The following PCDH15 variants were observed in gnomAD, a reference collection of about 807,000 sequenced individuals.
PCDH15 encodes protocadherin related 15, also known as protocadherin-15.
PCDH15 carries 129 observed loss-of-function variants against 178.5 expected under a neutral mutation model. The ratio of observed to expected loss-of-function variants is 0.72; its 90% confidence interval spans 0.63 to 0.84. The LOEUF is 0.84. Ranked by LOEUF, PCDH15 falls within the 40% of genes least tolerant of loss-of-function variation. The probability of loss-of-function intolerance (pLI) is 0.00; values close to 1 mark genes in which losing one functional copy is unlikely to be tolerated. For synonymous variants in PCDH15, 800 were observed against 732.0 expected (o/e 1.09, Z -1.50); for missense variants, 2,230 against 2,099.9 (o/e 1.06, Z -1.21).
intron 1 of PCDH15, among the ~76,000 whole-genome samples, chr10:54,702,551 A>AC (rs1398887880): frequency 1.3e-4 from 19 of 151,504 alleles, no homozygotes; most frequent in African/African-American, 4.6e-4. Context: ...TACAAAAAAA[A>AC]AAAAAAACCT....
At chr10:55,447,755 T>G (rs1006720103) in intron 2 of PCDH15, among the ~76,000 whole-genome samples, 2 of 152,070 alleles carry the variant, frequency 1.3e-5, no homozygotes, top group African/African-American at 4.8e-5. Flanking sequence ...GTTCACATAA[T>G]TAAAATATTA....
Position 54,801,209 on chromosome 10 carries a change from C to A in PCDH15, c.-313G>T, listed in dbSNP as rs1347906781. On this transcript the variant is annotated 5_prime_UTR_variant, in exon 1 of 38. The change creates a new upstream start codon in the 5' untranslated region. Transcript: ENST00000644397. ...ACGTTCTGAGATGTATGCCACCTGC[C>A]TTAGTTACCACAAGCAACTAACACT... 6.6e-6 allele frequency: 1 copy of A among 152,170 alleles called. No homozygotes were observed. The highest frequency in any genetic ancestry group is 6.5e-5 in the Admixed American group (1 of 15,272). The allele number at this position is 152,170 out of a possible 1,614,324, so 9.4% of individuals were successfully genotyped here.
chr10:53,917,940 A>G (rs1900451), intron 25 of PCDH15, among the ~76,000 whole-genome samples: 104,812 of 151,948 alleles, frequency 0.69, 36,758 homozygotes, highest in East Asian at 1. Flanking sequence ...CTCTGGCCAT[A>G]TAACGCACTG....
chr10:54,711,064 A>G (rs1309656192), intron 1 of PCDH15, among the ~76,000 whole-genome samples: 1 of 152,012 alleles, frequency 6.6e-6, no homozygotes, highest in East Asian at 1.9e-4. Flanking sequence ...TTTTAGGTTT[A>G]TTTAATGGTC....
At chr10:55,204,036 T>A (rs1222720293) in intron 1 of PCDH15, among the ~76,000 whole-genome samples, 1 of 151,568 alleles carries the variant, frequency 6.6e-6, no homozygotes, top group Non-Finnish European at 1.5e-5. Flanking sequence ...CATAGTGAGA[T>A]CCTGTCTCTA....
intron 2 of PCDH15, among the ~76,000 whole-genome samples, chr10:54,981,281 T>G (rs1219670445): frequency 1.3e-5 from 2 of 152,180 alleles, no homozygotes; most frequent in Non-Finnish European, 2.9e-5. Context: ...TGTTCACCAA[T>G]TAAAATCCTT....
chr10:55,078,969 TCTTTC>T, intron 2 of PCDH15, among the ~76,000 whole-genome samples: 2 of 152,294 alleles, frequency 1.3e-5, no homozygotes, highest in South Asian at 4.1e-4. Context: ...TTCCAGGATT[TCTTTC>T]CTTTTATAAT....
intron 1 of PCDH15, among the ~76,000 whole-genome samples, chr10:55,268,255 G>A (rs868530976): frequency 1.3e-5 from 2 of 152,182 alleles, no homozygotes; most frequent in Middle Eastern, 3.4e-3. Context: ...AATTCTGCTA[G>A]ACACTAAGTG....
intron 3 of PCDH15, among the ~76,000 whole-genome samples, chr10:54,385,050 T>A (rs1219837666): frequency 6.6e-6 from 1 of 152,106 alleles, no homozygotes; most frequent in East Asian, 1.9e-4. Context: ...TTGATCCAAA[T>A]CCAAGTGTAT....
At chr10:54,591,956 A>C (rs1374315502) in intron 2 of PCDH15, among the ~76,000 whole-genome samples, 2 of 152,146 alleles carry the variant, frequency 1.3e-5, no homozygotes, top group Non-Finnish European at 2.9e-5. Flanking sequence ...TCAAGTGTAC[A>C]GGAATTTACA....
At chr10:54,167,356 C>T (rs2046338072) in intron 13 of PCDH15, among the ~76,000 whole-genome samples, 1 of 152,160 alleles carries the variant, frequency 6.6e-6, no homozygotes. Context: ...TTCAATCTCT[C>T]CCTTCTCTTA....
intron 1 of PCDH15, among the ~76,000 whole-genome samples, chr10:55,305,410 A>G (rs917010336): frequency 6.6e-6 from 1 of 152,194 alleles, no homozygotes; most frequent in Non-Finnish European, 1.5e-5. Flanking sequence ...GGGACATCTG[A>G]TGGCTCAGAG....
chr10:53,925,085 C>T (rs941334185), intron 25 of PCDH15, among the ~76,000 whole-genome samples: 1 of 152,088 alleles, frequency 6.6e-6, no homozygotes, highest in African/African-American at 2.4e-5. Flanking sequence ...GCAGACTGCC[C>T]CAGCTAGCTG....
intron 32 of PCDH15, chr10:53,823,122 T>C: frequency 1.9e-6 from 3 of 1,614,050 alleles, no homozygotes; most frequent in Non-Finnish European, 2.5e-6. Flanking sequence ...TGTTGATACT[T>C]GACTTATGTT....
chr10:54,709,613 T>TC (rs2095408024), intron 1 of PCDH15, among the ~76,000 whole-genome samples: 1 of 143,344 alleles, frequency 7.0e-6, no homozygotes, highest in African/African-American at 2.5e-5. Context: ...TATATATACA[T>TC]ATATATATAT....
chr10:55,461,296 T>C (rs185656180), intron 2 of PCDH15, among the ~76,000 whole-genome samples: 1 of 152,252 alleles, frequency 6.6e-6, no homozygotes, highest in East Asian at 1.9e-4. Flanking sequence ...CACCACTGTC[T>C]ACAAACTCTT....
chr10:54,101,340 T>C (rs2094808013), intron 15 of PCDH15, among the ~76,000 whole-genome samples: 1 of 152,072 alleles, frequency 6.6e-6, no homozygotes, highest in African/African-American at 2.4e-5. Flanking sequence ...AATGGACTAA[T>C]ACATTGGTCA....
chr10:54,696,451 T>G (rs931883483), intron 1 of PCDH15, among the ~76,000 whole-genome samples: 2 of 152,140 alleles, frequency 1.3e-5, no homozygotes, highest in Admixed American at 6.6e-5. Context: ...TCCATTGAAA[T>G]GACAACAAAG....
At chr10:54,335,897 G>T (rs1039193719) in intron 6 of PCDH15, among the ~76,000 whole-genome samples, 7 of 152,170 alleles carry the variant, frequency 4.6e-5, no homozygotes, top group Non-Finnish European at 1.0e-4. Flanking sequence ...ACAGGAAAAG[G>T]TGGGAATGTT....
Sources: allele counts gnomAD v4.1 joint callset (sites outside exome capture counted in the v4.1 genomes callset), GRCh38; gene constraint gnomAD v4.1.1; transcripts MANE v1.5; gene names NCBI Gene and HGNC (gene_info 2026-07-23, HGNC 2026-07-21).